Variants in RAB13 observed in about 807,000 individuals in gnomAD.
RAB13 encodes RAB13, member RAS oncogene family.
In RAB13, 15 loss-of-function variants were observed where a neutral mutation model predicts 29.3. The observed-to-expected ratio is 0.51, with a 90% CI of 0.34 to 0.79. The LOEUF (loss-of-function observed/expected upper bound fraction) is 0.79. RAB13 is among the 30% of genes least tolerant of loss of function. The pLI, the probability that RAB13 is intolerant of heterozygous loss-of-function variation, is 0.01. For missense variants in RAB13, 186 were observed against 255.5 expected, an observed-to-expected ratio of 0.73 and a Z score of 1.85; for synonymous variants, 82 against 93.8, an observed-to-expected ratio of 0.87 and a Z score of 0.73.
At chr1:153,989,087 ATTTTTTTTT>A (rs778109310), upstream of RAB13, among the ~76,000 whole-genome samples, 8 of 96,382 alleles carry the variant, frequency 8.3e-5, no homozygotes, top group South Asian at 9.1e-4. Context: ...GCCCAGCTAA[ATTTTTTTTT>A]TTTTTTTTTT....
intron 3 of RAB13, 33 bp from the exon 4 acceptor site, chr1:153,983,329 T>G (rs1391335293): frequency 6.3e-7 from 1 of 1,596,856 alleles, no homozygotes; most frequent in Non-Finnish European, 8.6e-7. Context: ...TTGGACCATG[T>G]TCCCATTGAG....
At chr1:153,984,913 G>A in intron 1 of RAB13, 132 bp from the exon 2 acceptor site, 1 of 1,390,984 alleles carries the variant, frequency 7.2e-7, no homozygotes, top group Non-Finnish European at 9.3e-7. Flanking sequence ...GAACAATCTT[G>A]TTGGAAATGC....
chr1:153,990,015 C>T (rs1237969686), upstream of RAB13, among the ~76,000 whole-genome samples: 2 of 152,204 alleles, frequency 1.3e-5, no homozygotes, highest in Non-Finnish European at 2.9e-5. Flanking sequence ...TCCATTCTCT[C>T]ACCTCTCATT....
chr1:153,982,328 CACACACATACAT>C, intron 7 of RAB13, 51 bp downstream of exon 7: 1 of 1,501,074 alleles, frequency 6.7e-7, no homozygotes, highest in Non-Finnish European at 9.2e-7. Flanking sequence ...CACACACACA[CACACACATACAT>C]ACACACACAC....
upstream of RAB13, chr1:153,990,668 A>G (rs1571133989): frequency 7.7e-7 from 1 of 1,298,926 alleles, no homozygotes; most frequent in Admixed American, 1.7e-5. Flanking sequence ...ACTGCGGCGG[A>G]TCAAAGTAAG....
At chr1:153,988,449 A>C (rs1297974623), upstream of RAB13, among the ~76,000 whole-genome samples, 1 of 137,436 alleles carries the variant, frequency 7.3e-6, no homozygotes, top group African/African-American at 2.6e-5. Flanking sequence ...GCCCGCCACC[A>C]CCCGGCTAAT....
chr1:153,990,078 G>GTTTA (rs1008501466), upstream of RAB13, among the ~76,000 whole-genome samples: 1 of 151,788 alleles, frequency 6.6e-6, no homozygotes, highest in African/African-American at 2.4e-5. Flanking sequence ...TGTCTCCCCT[G>GTTTA]TTTATTTATT....
chr1:153,985,291 A>G, intron 1 of RAB13: 1 of 985,608 alleles, frequency 1.0e-6, no homozygotes, highest in Non-Finnish European at 1.2e-6. Flanking sequence ...TACTTTTGAG[A>G]CAATTAGGAA....
At chr1:153,987,528 A>AAAAAAAAAAG (rs570485139), upstream of RAB13, among the ~76,000 whole-genome samples, 1,399 of 127,272 alleles carry the variant, frequency 0.011, 67 homozygotes, top group South Asian at 0.024. Context: ...AAAAAAAAAA[A>AAAAAAAAAAG]AAAGAAAGAA....
Position 153,986,337 on chromosome 1 carries a change from A to T in RAB13, c.-101T>A. The stretch of plus-strand genomic sequence containing the variant: ...AGAGCGGCACGGAGCCCAGGCCAGG[A>T]AGAAGTTTTCCTCCCTCTCCGCCCA... On this transcript the variant is annotated 5_prime_UTR_variant, in exon 1 of 8. Transcript: ENST00000368575. The T allele has an allele frequency of 4.0e-6, 4 of 1,011,258 alleles. No individual in the cohort carries two copies. Among genetic ancestry groups the T allele is most frequent in the Non-Finnish European group, 5.9e-6 (4 of 679,478 alleles). The allele number at this position is 1,011,258 out of a possible 1,614,324, so 62.6% of individuals were successfully genotyped here. A position where few individuals can be genotyped will look rare whatever the true frequency, so the allele number is the denominator to read the frequency against.
upstream of RAB13, among the ~76,000 whole-genome samples, chr1:153,990,339 T>C (rs1426117048): frequency 6.6e-6 from 1 of 152,228 alleles, no homozygotes; most frequent in Non-Finnish European, 1.5e-5. Flanking sequence ...GTGCTGGGAT[T>C]ACAGGCATGA....
chr1:153,985,961 T>G, intron 1 of RAB13, 152 bp downstream of exon 1: 1 of 1,367,084 alleles, frequency 7.3e-7, no homozygotes, highest in Admixed American at 2.6e-5. Flanking sequence ...TACAGAGACA[T>G]GCACGGGGGA....
rs1649032372 is a variant in RAB13 at position 153,982,803 on chromosome 1, G to A, written c.330C>T (p.Ala110=). 6.2e-7 allele frequency: 1 copy of A among 1,614,032 alleles called. No individual in the cohort carries two copies. Among genetic ancestry groups the A allele is most frequent in the South Asian group, 1.1e-5 (1 of 91,090 alleles). ...QNWMKSIKEN[A]SAGVERLLLG... is the part of the protein sequence containing the mutation. ...GCAAGAGGCGCTCCACCCCAGCCGA[G>A]GCATTCTGGGGGCAAAAGACAAGTA... The change falls in exon 5 of 8, where the codon GCC becomes GCT. Residue 110 remains alanine, a synonymous_variant. Coordinates refer to ENST00000368575, the MANE Select transcript of RAB13 (RefSeq NM_002870.5).
At chr1:153,986,380 G>C, upstream of RAB13, 1 of 698,734 alleles carries the variant, frequency 1.4e-6, no homozygotes, top group Non-Finnish European at 2.4e-6. Context: ...GGAAAGAGGA[G>C]AGGCGGCACC....
At chr1:153,989,049 A>C (rs1649270162), upstream of RAB13, among the ~76,000 whole-genome samples, 1 of 145,016 alleles carries the variant, frequency 6.9e-6, no homozygotes, top group Non-Finnish European at 1.5e-5. Flanking sequence ...CTTCCCGAGT[A>C]GCTGGGATTA....
intron 2 of RAB13, 85 bp from the exon 3 acceptor site, chr1:153,983,666 C>G: frequency 8.0e-7 from 1 of 1,254,904 alleles, no homozygotes; most frequent in Admixed American, 1.9e-5. Context: ...AAGAATTTAG[C>G]TTTTGTAACA....
intron 3 of RAB13, 79 bp from the exon 4 acceptor site, chr1:153,983,375 G>A (rs1418001024): frequency 6.7e-7 from 1 of 1,491,966 alleles, no homozygotes; most frequent in African/African-American, 1.4e-5. Flanking sequence ...CCGCATCCAT[G>A]GGTCTAAACA....
At chr1:153,989,070 C>A (rs1275656304), upstream of RAB13, among the ~76,000 whole-genome samples, 1 of 145,652 alleles carries the variant, frequency 6.9e-6, no homozygotes, top group Non-Finnish European at 1.5e-5. Context: ...CAGGCGCCTG[C>A]CACGACGCCC....
At chr1:153,983,404 T>C in intron 3 of RAB13, 108 bp from the exon 4 acceptor site, 1 of 1,467,332 alleles carries the variant, frequency 6.8e-7, no homozygotes, top group Non-Finnish European at 9.5e-7. Flanking sequence ...TGTTGGGCCC[T>C]CTGCAACCCA....
Sources: allele counts gnomAD v4.1 joint callset (sites outside exome capture counted in the v4.1 genomes callset), GRCh38; gene constraint gnomAD v4.1.1; transcripts MANE v1.5; gene names NCBI Gene and HGNC (gene_info 2026-07-23, HGNC 2026-07-21).